Variants in GPHN observed in about 807,000 individuals in gnomAD.
GPHN encodes the protein gephyrin.
In GPHN, 17 loss-of-function variants were observed where a neutral mutation model predicts 95.5. The ratio of observed to expected loss-of-function variants is 0.18; its 90% CI spans 0.12 to 0.27. GPHN has a LOEUF of 0.27. Ranked by LOEUF, GPHN falls within the 10% of genes least tolerant of loss-of-function variation. The pLI is 1.00. For missense variants in GPHN, 660 were observed against 978.1 expected, an observed-to-expected ratio of 0.67 and a Z score of 4.34; for synonymous variants, 320 against 322.5, an observed-to-expected ratio of 0.99 and a Z score of 0.08.
chr14:67,019,915 C>T (rs544452171), intron 9 of GPHN, among the ~76,000 whole-genome samples: 9 of 152,292 alleles, frequency 5.9e-5, no homozygotes, highest in East Asian at 1.9e-4. Flanking sequence ...GCTACGCTTT[C>T]GTGTGTCCTG....
At chr14:67,607,282 A>G in the GPHN span, among the ~76,000 whole-genome samples, 14 of 152,150 alleles carry the variant, frequency 9.2e-5, no homozygotes, top group Admixed American at 6.5e-4. Flanking sequence ...GCTCTTAAAA[A>G]CCACTACACC....
At chr14:66,510,946 A>T (rs553162680) in intron 1 of GPHN, among the ~76,000 whole-genome samples, 1 of 152,218 alleles carries the variant, frequency 6.6e-6, no homozygotes, top group Non-Finnish European at 1.5e-5. Context: ...GCCAGGAACA[A>T]GGATGTAGCT....
chr14:67,329,065 G>A, the GPHN span, among the ~76,000 whole-genome samples: 1 of 152,076 alleles, frequency 6.6e-6, no homozygotes, highest in Admixed American at 6.5e-5. Context: ...AAATTACCTT[G>A]GGCAGTATGG....
At chr14:66,882,382 A>G (rs1047680680) in intron 5 of GPHN, among the ~76,000 whole-genome samples, 3 of 151,680 alleles carry the variant, frequency 2.0e-5, no homozygotes. Flanking sequence ...TCCTATTTTT[A>G]TGTCTAGAGA....
chr14:67,186,462 G>A (rs2083369000), downstream of GPHN, among the ~76,000 whole-genome samples: 1 of 152,128 alleles, frequency 6.6e-6, no homozygotes, highest in African/African-American at 2.4e-5. Context: ...AAGCACAGAG[G>A]AAACACAGAT....
chr14:67,150,819 A>G (rs1419530260), intron 18 of GPHN, among the ~76,000 whole-genome samples: 1 of 152,100 alleles, frequency 6.6e-6, no homozygotes, highest in Non-Finnish European at 1.5e-5. Context: ...TCAGCCTCCC[A>G]AGTAGCTAGC....
chr14:67,006,230 C>A (rs139215515), intron 9 of GPHN, among the ~76,000 whole-genome samples: 69 of 152,114 alleles, frequency 4.5e-4, no homozygotes, highest in African/African-American at 1.5e-3. Context: ...GAATGGAATT[C>A]AGATTCATGT....
At chr14:66,967,318 T>C (rs527358021) in intron 9 of GPHN, among the ~76,000 whole-genome samples, 1 of 151,632 alleles carries the variant, frequency 6.6e-6, no homozygotes, top group Non-Finnish European at 1.5e-5. Flanking sequence ...AAAAAATAAA[T>C]TAAAGGACAG....
chr14:67,408,359 A>G, the GPHN span, among the ~76,000 whole-genome samples: 2 of 133,960 alleles, frequency 1.5e-5, no homozygotes, highest in African/African-American at 6.0e-5. Flanking sequence ...TAAAATAAAA[A>G]AAGAAAAAAC....
rs111228187 is a variant in GPHN, at chr14:66,814,337, C to T, written c.202-10137C>T. On this transcript the variant is annotated intron_variant, in intron 3 of 22. Transcript: ENST00000478722. ...GCAACAGCACAGTCTCTAGCAAGGG[C>T]CCCCCATCCCCCACCAGCTGTGTTG... Among the ~76,000 whole-genome samples, 471 of 152,248 alleles carry T rather than the reference C, an allele frequency of 3.1e-3. 11 individuals are homozygous for T. Among genetic ancestry groups the T allele is most frequent in the African/African-American group, 0.011 (445 of 41,546 alleles).
At chr14:67,382,668 C>T in the GPHN span, 10 of 1,528,890 alleles carry the variant, frequency 6.5e-6, no homozygotes, top group Admixed American at 3.3e-5. Flanking sequence ...TAAGAGCTGT[C>T]GGCCTTGGAA....
intron 19 of GPHN, among the ~76,000 whole-genome samples, chr14:67,160,959 A>T (rs975271136): frequency 6.6e-6 from 1 of 152,216 alleles, no homozygotes; most frequent in Non-Finnish European, 1.5e-5. Context: ...GCATGCCCCA[A>T]TATGGCTGCT....
At chr14:67,721,467 G>C in the GPHN span, among the ~76,000 whole-genome samples, 3 of 152,064 alleles carry the variant, frequency 2.0e-5, no homozygotes, top group African/African-American at 7.2e-5. Flanking sequence ...GCTCAGTCTT[G>C]AACTTCTGGC....
intron 1 of GPHN, among the ~76,000 whole-genome samples, chr14:66,615,488 T>A (rs2062969310): frequency 6.7e-6 from 1 of 150,288 alleles, no homozygotes; most frequent in Non-Finnish European, 1.5e-5. Context: ...TTTTTTTTTT[T>A]TGTATGTTTG....
the GPHN span, among the ~76,000 whole-genome samples, chr14:67,642,023 T>C: frequency 6.6e-6 from 1 of 152,206 alleles, no homozygotes. Flanking sequence ...CTGTTCATAA[T>C]AGGATCGAGA....
chr14:66,821,589 T>C (rs2061191949), intron 3 of GPHN, among the ~76,000 whole-genome samples: 1 of 152,206 alleles, frequency 6.6e-6, no homozygotes, highest in Admixed American at 6.5e-5. Flanking sequence ...AAATATTTTC[T>C]TGTTAAATGA....
chr14:67,700,088 T>A, the GPHN span, among the ~76,000 whole-genome samples: 1 of 150,246 alleles, frequency 6.7e-6, no homozygotes, highest in Admixed American at 6.6e-5. Flanking sequence ...TGCAGTGAGC[T>A]GAGATGATGC....
chr14:67,133,364 G>T (rs1292701221), intron 17 of GPHN, among the ~76,000 whole-genome samples: 2 of 152,072 alleles, frequency 1.3e-5, no homozygotes, highest in African/African-American at 4.8e-5. Flanking sequence ...CCATCTGTGT[G>T]TTTATATTAA....
chr14:67,593,403 A>T, the GPHN span: 1 of 267,036 alleles, frequency 3.7e-6, no homozygotes, highest in Non-Finnish European at 7.2e-6. Context: ...AGGTGGGAGA[A>T]TGGCTTGAGC....
Sources: allele counts gnomAD v4.1 joint callset (sites outside exome capture counted in the v4.1 genomes callset), GRCh38; gene constraint gnomAD v4.1.1; transcripts MANE v1.5; gene names NCBI Gene and HGNC (gene_info 2026-07-23, HGNC 2026-07-21).